The following FBXL17 variants were observed in gnomAD, a reference collection of about 807,000 sequenced individuals.
The protein encoded by FBXL17 is F-box and leucine rich repeat protein 17.
In FBXL17, 22 loss-of-function variants were observed where a neutral mutation model predicts 66.2. That is an observed-to-expected ratio of 0.33 (90% CI 0.24 to 0.47). FBXL17 has a LOEUF of 0.47. FBXL17 is among the 20% of genes least tolerant of loss of function. FBXL17 has a pLI of 1.00. For synonymous variants in FBXL17, 474 were observed against 400.5 expected, an observed-to-expected ratio of 1.18 and a Z score of -2.19; for missense variants, 878 against 948.2, an observed-to-expected ratio of 0.93 and a Z score of 0.97.
chr5:108,129,748 A>G (rs1197432104), intron 6 of FBXL17, among the ~76,000 whole-genome samples: 1 of 151,800 alleles, frequency 6.6e-6, no homozygotes, highest in Non-Finnish European at 1.5e-5. Flanking sequence ...AATCAATTCT[A>G]AAACCTGAAT....
intron 4 of FBXL17, among the ~76,000 whole-genome samples, chr5:108,251,632 A>C (rs1220032419): frequency 6.6e-6 from 1 of 152,088 alleles, no homozygotes; most frequent in Non-Finnish European, 1.5e-5. Context: ...AAACAGAAGA[A>C]TGTAGACTGC....
At chr5:107,974,647 A>G (rs1752511915) in intron 7 of FBXL17, among the ~76,000 whole-genome samples, 1 of 152,112 alleles carries the variant, frequency 6.6e-6, no homozygotes, top group Non-Finnish European at 1.5e-5. Context: ...TTCAACTGCC[A>G]TATAGTCTCT....
At chr5:108,208,106 T>A (rs1258322380) in intron 5 of FBXL17, among the ~76,000 whole-genome samples, 1 of 152,242 alleles carries the variant, frequency 6.6e-6, no homozygotes, top group East Asian at 1.9e-4. Flanking sequence ...GTTGACTGCA[T>A]AAATGTCTCC....
chr5:108,054,520 T>A (rs1747610477), intron 6 of FBXL17, among the ~76,000 whole-genome samples: 1 of 152,096 alleles, frequency 6.6e-6, no homozygotes, highest in Non-Finnish European at 1.5e-5. Flanking sequence ...AAGCTCCAAC[T>A]CCCTGTTTGG....
At chr5:107,926,572 A>C (rs1750532964) in intron 7 of FBXL17, among the ~76,000 whole-genome samples, 1 of 151,130 alleles carries the variant, frequency 6.6e-6, no homozygotes, top group African/African-American at 2.4e-5. Flanking sequence ...AATGTGTGTC[A>C]TGATCTCTGG....
chr5:108,166,348 G>A (rs1462925077), intron 6 of FBXL17, among the ~76,000 whole-genome samples: 1 of 152,194 alleles, frequency 6.6e-6, no homozygotes, highest in Non-Finnish European at 1.5e-5. Context: ...TTTGCCCTTA[G>A]GCAGTCCACA....
intron 4 of FBXL17, among the ~76,000 whole-genome samples, chr5:108,236,370 G>A (rs1243660481): frequency 1.3e-5 from 2 of 151,782 alleles, no homozygotes; most frequent in Non-Finnish European, 2.9e-5. Flanking sequence ...AAAATTAGCC[G>A]GGCGTGGTGG....
intron 1 of FBXL17, among the ~76,000 whole-genome samples, chr5:108,369,700 T>C (rs62362275): frequency 0.013 from 1,990 of 151,994 alleles, 20 homozygotes; most frequent in South Asian, 0.022. Flanking sequence ...AGGGTCAGGA[T>C]GAAGGCCAAT....
At chr5:107,920,275 G>A (rs1350112542) in intron 7 of FBXL17, among the ~76,000 whole-genome samples, 1 of 152,092 alleles carries the variant, frequency 6.6e-6, no homozygotes, top group Non-Finnish European at 1.5e-5. Flanking sequence ...CGCGACCTTG[G>A]CTCACTGCAA....
intron 4 of FBXL17, among the ~76,000 whole-genome samples, chr5:108,324,511 T>C (rs892100439): frequency 3.9e-5 from 6 of 152,076 alleles, no homozygotes; most frequent in African/African-American, 1.4e-4. Flanking sequence ...GTGCGACCAC[T>C]ATGTAAAACA....
intron 4 of FBXL17, among the ~76,000 whole-genome samples, chr5:108,273,499 T>C (rs951337554): frequency 7.2e-5 from 11 of 152,036 alleles, no homozygotes; most frequent in Non-Finnish European, 1.3e-4. Flanking sequence ...AACTCTTGGA[T>C]AAATGAGGGA....
chr5:108,202,678 G>A (rs1025570067), intron 5 of FBXL17, among the ~76,000 whole-genome samples: 1 of 152,090 alleles, frequency 6.6e-6, no homozygotes, highest in African/African-American at 2.4e-5. Flanking sequence ...CATAGCCCTG[G>A]CAGGAGGGAG....
intron 7 of FBXL17, among the ~76,000 whole-genome samples, chr5:107,982,448 TAA>T (rs58309120): frequency 0.11 from 15,635 of 148,290 alleles, 897 homozygotes; most frequent in Non-Finnish European, 0.13. Context: ...CTCAATGCTT[TAA>T]AAAAAAAACA....
At chr5:108,153,121 G>A (rs945138726) in intron 6 of FBXL17, among the ~76,000 whole-genome samples, 2 of 152,106 alleles carry the variant, frequency 1.3e-5, no homozygotes, top group Non-Finnish European at 2.9e-5. Context: ...CCATGATTGT[G>A]AGGCCTCCCC....
intron 4 of FBXL17, among the ~76,000 whole-genome samples, chr5:108,306,194 T>C (rs897588518): frequency 6.6e-6 from 1 of 152,106 alleles, no homozygotes; most frequent in Non-Finnish European, 1.5e-5. Flanking sequence ...GATATTATAA[T>C]TCTACTTTTT....
In FBXL17 at chr5:108,273,155, A is replaced by G. The variant is rs554406903; in HGVS notation, c.1507-48927T>C. Among the ~76,000 whole-genome samples the G allele has an allele frequency of 4.6e-5, 7 of 152,266 alleles. No individual in the cohort carries two copies. The South Asian group carries it at 1.5e-3, about 32-fold the overall frequency. ...ATCAAGTACTTTACAAGGTAAAAGA[A>G]TATCACAAGGCAAGTGGAGGCAGGG... On this transcript the variant is annotated intron_variant, in intron 4 of 8. Coordinates refer to ENST00000542267, the MANE Select transcript of FBXL17 (RefSeq NM_001163315.3).
At chr5:108,354,192 C>T (rs1588496) in intron 3 of FBXL17, among the ~76,000 whole-genome samples, 127,329 of 152,080 alleles carry the variant, frequency 0.84, 53,431 homozygotes, top group Admixed American at 0.89. Flanking sequence ...AAAGGCATAC[C>T]AACAAGGAAA....
chr5:108,309,750 G>A (rs946555883), intron 4 of FBXL17, among the ~76,000 whole-genome samples: 1 of 151,934 alleles, frequency 6.6e-6, no homozygotes, highest in African/African-American at 2.4e-5. Context: ...ACTGATTTTT[G>A]TATTTGGGTG....
intron 6 of FBXL17, among the ~76,000 whole-genome samples, chr5:108,154,634 C>T (rs1465902336): frequency 1.0e-5 from 1 of 99,236 alleles, no homozygotes; most frequent in Non-Finnish European, 2.1e-5. Flanking sequence ...CACACACACA[C>T]ACACACACAC....
Sources: allele counts gnomAD v4.1 joint callset (sites outside exome capture counted in the v4.1 genomes callset), GRCh38; gene constraint gnomAD v4.1.1; transcripts MANE v1.5; gene names NCBI Gene and HGNC (gene_info 2026-07-23, HGNC 2026-07-21).